The following OR2AJ1 variants were observed in gnomAD, a reference collection of about 807,000 sequenced individuals.
OR2AJ1 encodes olfactory receptor 2AJ1.
For synonymous variants in OR2AJ1, 105 were observed against 60.3 expected (o/e 1.74, Z -3.44); for missense variants, 280 against 163.2 (o/e 1.72, Z -3.90).
rs917752464 is a variant in OR2AJ1, at chr1:247,934,522, T to C, written c.754T>C (p.Tyr252His). 2 of 717,558 alleles carry C rather than the reference T, an allele frequency of 2.8e-6. No homozygotes were observed. Among genetic ancestry groups the C allele is most frequent in the Non-Finnish European group, 5.2e-6 (2 of 385,106 alleles). The allele number at this position is 717,558 out of a possible 1,614,324, so 44.4% of individuals were successfully genotyped here. Reference sequence around the variant, plus strand: ...CCACATGATTGTGGTCACGATGTACTATGGGCCATTTATTTTTACATATAT... The same window carrying C: ...CCACATGATTGTGGTCACGATGTACCATGGGCCATTTATTTTTACATATAT... ...SFHMIVVTMY[Y>H]GPFIFTYMRP... The change falls in exon 2 of 2, where the codon TAT (tyrosine) becomes CAT (histidine). Residue 252 changes from tyrosine (Y) to histidine (H), a missense_variant. By Grantham distance (83) the Tyr-to-His change is moderately conservative. Coordinates refer to ENST00000318244, the MANE Select transcript of OR2AJ1 (RefSeq NM_001355235.2).
intron 1 of OR2AJ1, among the ~76,000 whole-genome samples, chr1:247,929,599 G>GGTCTGTGTGT (rs138586638): frequency 0.42 from 61,404 of 147,232 alleles, 14,814 homozygotes; most frequent in Middle Eastern, 0.57. Context: ...CCCTTCACTC[G>GGTCTGTGTGT]GTGTGTGTGT....
At chr1:247,931,135 A>G (rs895249307) in intron 1 of OR2AJ1, among the ~76,000 whole-genome samples, 16 of 152,190 alleles carry the variant, frequency 1.1e-4, no homozygotes, top group Non-Finnish European at 4.4e-5. Context: ...TCCTGAGGAG[A>G]GCATGTTCTC....
intron 1 of OR2AJ1, among the ~76,000 whole-genome samples, chr1:247,932,596 C>T (rs1239656414): frequency 6.6e-6 from 1 of 152,050 alleles, no homozygotes; most frequent in Non-Finnish European, 1.5e-5. Context: ...AAAATCTAAG[C>T]TCATTTTATT....
intron 1 of OR2AJ1, among the ~76,000 whole-genome samples, chr1:247,931,646 G>C (rs953615932): frequency 3.3e-5 from 5 of 152,238 alleles, no homozygotes; most frequent in Middle Eastern, 3.4e-3. Flanking sequence ...TCTAAAAAAT[G>C]TAAAAGCCAG....
At position 247,934,159 on chromosome 1, in the gene OR2AJ1, C is replaced by A. The variant is rs61750766; in HGVS notation, c.391C>A (p.Arg131Ser). ...CTATGTGGCTATCTGTCACCCGCTG[C>A]GCTATCCGATTCTTATGAAGGAGTA... is the stretch of plus-strand genomic sequence containing the variant. The part of the protein sequence containing the change: ...DRYVAICHPL[R>S]YPILMKEYAS... The change falls in exon 2 of 2, where the codon CGC becomes AGC. Residue 131 changes from arginine (R) to serine (S), a missense_variant. Coordinates refer to ENST00000318244, the MANE Select transcript of OR2AJ1 (RefSeq NM_001355235.2). The A allele has an allele frequency of 1.4e-6, 1 of 718,564 alleles. No individual in the cohort carries two copies. The highest frequency in any genetic ancestry group is 2.6e-6 in the Non-Finnish European group (1 of 385,646). The allele number at this position is 718,564 out of a possible 1,614,324, so 44.5% of individuals were successfully genotyped here.
At chr1:247,925,475 G>T (rs1160271268) in intron 1 of OR2AJ1, among the ~76,000 whole-genome samples, 2 of 152,110 alleles carry the variant, frequency 1.3e-5, no homozygotes, top group East Asian at 3.9e-4. Flanking sequence ...GAAGTGCTGG[G>T]GAAGAGTGTT....
In OR2AJ1 at chr1:247,934,711, A is replaced by C. The variant is rs757916849; in HGVS notation, c.943A>C (p.Asn315His). 5.6e-6 allele frequency: 4 copies of C among 714,028 alleles called. No individual in the cohort carries two copies. Among genetic ancestry groups the C allele is most frequent in the Non-Finnish European group, 1.0e-5 (4 of 384,938 alleles). The allele number at this position is 714,028 out of a possible 1,614,324, so 44.2% of individuals were successfully genotyped here. A position where few individuals can be genotyped will look rare whatever the true frequency, so the allele number is the denominator to read the frequency against. Residue 315 changes from asparagine to histidine, a missense_variant, in exon 2 of 2, where the codon AAT becomes CAT. Coordinates refer to ENST00000318244, the MANE Select transcript of OR2AJ1 (RefSeq NM_001355235.2). ...LKSNFLHKKM[N>H]RKIPECVFCL... The stretch of plus-strand genomic sequence containing the variant: ...AAGTAACTTTCTGCACAAAAAAATG[A>C]ATAGGAAAATTCCTGAATGTGTGTT...
At chr1:247,928,953 G>C (rs1198145360) in intron 1 of OR2AJ1, among the ~76,000 whole-genome samples, 1 of 152,110 alleles carries the variant, frequency 6.6e-6, no homozygotes, top group East Asian at 1.9e-4. Context: ...AATTATCCGG[G>C]CGTGGTCGTG....
At chr1:247,933,250 C>T (rs1029254247) in intron 1 of OR2AJ1, among the ~76,000 whole-genome samples, 2 of 152,104 alleles carry the variant, frequency 1.3e-5, no homozygotes, top group African/African-American at 4.8e-5. Flanking sequence ...ACAAGGATCT[C>T]TCATTGTGAA....
At chr1:247,928,221 TTA>T (rs1228202996) in intron 1 of OR2AJ1, among the ~76,000 whole-genome samples, 2 of 152,212 alleles carry the variant, frequency 1.3e-5, no homozygotes, top group Non-Finnish European at 2.9e-5. Flanking sequence ...TGCAGTGAAA[TTA>T]TATGTCATTT....
chr1:247,928,881 T>C (rs1236209916), intron 1 of OR2AJ1, among the ~76,000 whole-genome samples: 1 of 152,040 alleles, frequency 6.6e-6, no homozygotes, highest in Non-Finnish European at 1.5e-5. Context: ...GATCACGAGG[T>C]CAGGAGATCG....
intron 1 of OR2AJ1, among the ~76,000 whole-genome samples, chr1:247,928,442 A>G (rs896384352): frequency 6.6e-6 from 1 of 152,038 alleles, no homozygotes; most frequent in Non-Finnish European, 1.5e-5. Flanking sequence ...ATTTTCTTCA[A>G]TTTTGCAGGG....
chr1:247,929,784 C>CA (rs539311460), intron 1 of OR2AJ1, among the ~76,000 whole-genome samples: 2 of 151,856 alleles, frequency 1.3e-5, no homozygotes, highest in African/African-American at 2.4e-5. Context: ...TCATGTAAGA[C>CA]AAAAAAATGA....
chr1:247,930,492 T>C (rs1660140065), intron 1 of OR2AJ1, among the ~76,000 whole-genome samples: 1 of 152,128 alleles, frequency 6.6e-6, no homozygotes, highest in Non-Finnish European at 1.5e-5. Flanking sequence ...GGTATGATGG[T>C]GTCTGTACCT....
At chr1:247,932,706 T>C (rs1484748023) in intron 1 of OR2AJ1, among the ~76,000 whole-genome samples, 1 of 152,208 alleles carries the variant, frequency 6.6e-6, no homozygotes, top group Non-Finnish European at 1.5e-5. Flanking sequence ...CCTGGACTAA[T>C]GTATTTATAA....
At chr1:247,932,281 A>T (rs2103006618) in intron 1 of OR2AJ1, among the ~76,000 whole-genome samples, 1 of 152,344 alleles carries the variant, frequency 6.6e-6, no homozygotes, top group East Asian at 1.9e-4. Flanking sequence ...GGTTGCAGTG[A>T]GCTGAGATCA....
intron 1 of OR2AJ1, among the ~76,000 whole-genome samples, chr1:247,926,566 G>T (rs961219147): frequency 3.3e-5 from 5 of 152,170 alleles, no homozygotes; most frequent in Non-Finnish European, 7.3e-5. Context: ...GGAAATTGGA[G>T]ATTGTACATT....
chr1:247,925,363 T>C (rs1408809587), intron 1 of OR2AJ1, among the ~76,000 whole-genome samples, 195 bp downstream of exon 1: 1 of 152,148 alleles, frequency 6.6e-6, no homozygotes, highest in Non-Finnish European at 1.5e-5. Context: ...GAGCAGATTC[T>C]GAGGGGGAGA....
chr1:247,931,353 C>T (rs1336678782), intron 1 of OR2AJ1, among the ~76,000 whole-genome samples: 1 of 152,192 alleles, frequency 6.6e-6, no homozygotes, highest in Non-Finnish European at 1.5e-5. Context: ...GAGCATTTCT[C>T]TTTGCATACA....
Sources: allele counts gnomAD v4.1 joint callset (sites outside exome capture counted in the v4.1 genomes callset), GRCh38; gene constraint gnomAD v4.1.1; transcripts MANE v1.5; gene names NCBI Gene and HGNC (gene_info 2026-07-23, HGNC 2026-07-21).